TNFRSF1B: variants seen among roughly 807,000 people sequenced by gnomAD.
The protein encoded by TNFRSF1B is TNF receptor superfamily member 1B.
A neutral mutation model predicts 44.6 loss-of-function variants in TNFRSF1B; 19 were observed. That is an observed-to-expected ratio of 0.43 (90% CI 0.30 to 0.62). The LOEUF is 0.62. TNFRSF1B is among the 20% of genes least tolerant of loss of function. TNFRSF1B has a pLI of 0.16. For synonymous variants in TNFRSF1B, 252 were observed against 261.1 expected, an observed-to-expected ratio of 0.97 and a Z score of 0.34; for missense variants, 541 against 619.9, an observed-to-expected ratio of 0.87 and a Z score of 1.35.
intron 8 of TNFRSF1B, among the ~76,000 whole-genome samples, chr1:12,198,691 GTTT>G (rs60313758): frequency 1.2e-5 from 1 of 85,652 alleles, no homozygotes. Flanking sequence ...CTGGAATTCT[GTTT>G]TTTTTTTTTT....
At chr1:12,195,225 C>T (rs1178382232) in intron 8 of TNFRSF1B, among the ~76,000 whole-genome samples, 1 of 152,220 alleles carries the variant, frequency 6.6e-6, no homozygotes, top group Non-Finnish European at 1.5e-5. Flanking sequence ...TAGAGACAGA[C>T]CAACAGTGTG....
rs1639403096 is a variant in TNFRSF1B, at chr1:12,202,011, G to A, written c.945G>A (p.Glu315=). The A allele has an allele frequency of 6.2e-7, 1 of 1,613,072 alleles. No homozygotes were observed. Among genetic ancestry groups the A allele is most frequent in the East Asian group, 2.2e-5 (1 of 44,854 alleles). The change falls in exon 9 of 10, where the codon GAG becomes GAA. Residue 315 remains glutamate, a synonymous_variant. Transcript: ENST00000376259. The stretch of plus-strand genomic sequence containing the variant: ...AGGCCCGGGGTACACAGGGCCCCGA[G>A]CAGCAGCACCTGCTGATCACAGCGC... ...ADKARGTQGP[E]QQHLLITAPS...
chr1:12,184,478 C>G (rs1210862798), intron 1 of TNFRSF1B, among the ~76,000 whole-genome samples: 7 of 152,052 alleles, frequency 4.6e-5, no homozygotes, highest in African/African-American at 9.7e-5. Flanking sequence ...CTGCCGGCTA[C>G]CGGGGGGGCT....
intron 9 of TNFRSF1B, among the ~76,000 whole-genome samples, chr1:12,204,232 G>A (rs1415438810): frequency 1.3e-5 from 2 of 151,992 alleles, no homozygotes; most frequent in Non-Finnish European, 2.9e-5. Context: ...GTGGGAACCT[G>A]TAAACCCCAG....
rs776627969 is a variant in TNFRSF1B at position 12,191,713 on chromosome 1, G to T, written c.308-61G>T. ...TGTCTGAGAGTGCTGGGCTGTCTGG[G>T]AGGGCAGCGTGGGTGTGGCGGAGGC... is the stretch of plus-strand genomic sequence containing the variant. On this transcript the variant is annotated intron_variant, in intron 3 of 9. Transcript: ENST00000376259. 2.1e-5 allele frequency: 33 copies of T among 1,604,454 alleles called. No homozygotes were observed. The Admixed American group carries it at 4.4e-4, about 21-fold the overall frequency.
At chr1:12,167,526 C>G (rs753226806) in intron 1 of TNFRSF1B, 4 of 409,654 alleles carry the variant, frequency 9.8e-6, no homozygotes, top group Non-Finnish European at 4.7e-6. Context: ...CTTCCCTCAC[C>G]CCGGCGACTG....
chr1:12,184,668 GCC>G (rs1638939578), intron 1 of TNFRSF1B, among the ~76,000 whole-genome samples: 1 of 152,240 alleles, frequency 6.6e-6, no homozygotes, highest in Non-Finnish European at 1.5e-5. Flanking sequence ...GCTCTTGAGA[GCC>G]CAAACTTGGC....
At chr1:12,175,894 G>A (rs556296995) in intron 1 of TNFRSF1B, among the ~76,000 whole-genome samples, 71 of 152,268 alleles carry the variant, frequency 4.7e-4, no homozygotes, top group Admixed American at 1.4e-3. Flanking sequence ...GGAGAATGGT[G>A]TGGGGAGAGA....
At chr1:12,185,894 G>C (rs931242852) in intron 1 of TNFRSF1B, among the ~76,000 whole-genome samples, 1 of 152,200 alleles carries the variant, frequency 6.6e-6, no homozygotes, top group African/African-American at 2.4e-5. Context: ...GCCCAGGGAG[G>C]CCATGAGGAG....
chr1:12,185,559 G>A lies in TNFRSF1B; in HGVS notation c.79-3237G>A, dbSNP rs569748684. Among the ~76,000 whole-genome samples the A allele has an allele frequency of 4.6e-5, 7 of 152,166 alleles. No homozygotes were observed. The East Asian group carries it at 5.8e-4, about 13-fold the overall frequency. On this transcript the variant is annotated intron_variant, in intron 1 of 9. Transcript: ENST00000376259. ...GGGACCGAGTGTGTGTGGCAGCACC[G>A]TGTCCAGGCAAACTGAGGCTCCAGA...
At chr1:12,192,057 C>G in intron 4 of TNFRSF1B, 134 bp downstream of exon 4, 2 of 1,229,268 alleles carry the variant, frequency 1.6e-6, no homozygotes, top group South Asian at 3.0e-5. Context: ...GTGCCTGCTA[C>G]CCATCCGTCT....
In TNFRSF1B at chr1:12,186,884, C is replaced by T. The variant is rs1466818051; in HGVS notation, c.79-1912C>T. ...CCCATGTTTGCCTACATGTGAATGT[C>T]TCCATTCTGAGCTTGCTCTCAGCCT... is the stretch of plus-strand genomic sequence containing the variant. On this transcript the variant is annotated intron_variant, in intron 1 of 9. Coordinates refer to ENST00000376259, the MANE Select transcript of TNFRSF1B (RefSeq NM_001066.3). This position sits in a 1 kb window ranked among gnomAD's most constrained non-coding sequence, Gnocchi z 4.8. Among the ~76,000 whole-genome samples the T allele has an allele frequency of 1.3e-5, 2 of 152,222 alleles. No individual in the cohort carries two copies. The highest frequency in any genetic ancestry group is 3.8e-4 in the East Asian group (2 of 5,204).
At position 12,183,850 on chromosome 1, in the gene TNFRSF1B, T is replaced by TCTAC. The variant is rs1314465065; in HGVS notation, c.79-4929_79-4926dup. ...ACCTATCTATCTATCTATCTATCTA[T>TCTAC]CTACCTACCTACCTACCTACATATC... On this transcript the variant is annotated intron_variant, in intron 1 of 9. Transcript: ENST00000376259. 9.8e-4 allele frequency among the ~76,000 whole-genome samples: 135 copies of TCTAC among 137,468 alleles called. 2 individuals carry two copies. Among genetic ancestry groups the TCTAC allele is most frequent in the East Asian group, 2.3e-3 (11 of 4,686 alleles). 90.2% of individuals were successfully genotyped at this position (137,468 alleles called of 152,430 possible). A position where few individuals can be genotyped will look rare whatever the true frequency, so the allele number is the denominator to read the frequency against.
chr1:12,173,706 G>A (rs1638570541), intron 1 of TNFRSF1B, among the ~76,000 whole-genome samples: 2 of 152,204 alleles, frequency 1.3e-5, no homozygotes, highest in South Asian at 2.1e-4. Flanking sequence ...CTGGTAATGG[G>A]TGCAGGCTGC....
chr1:12,182,736 T>G (rs587406), intron 1 of TNFRSF1B, among the ~76,000 whole-genome samples: 32,705 of 152,212 alleles, frequency 0.21, 3,653 homozygotes, highest in South Asian at 0.26. Flanking sequence ...CACATAGTAG[T>G]TGCTTAGCAA....
At chr1:12,174,022 G>C (rs950046435) in intron 1 of TNFRSF1B, among the ~76,000 whole-genome samples, 1 of 152,150 alleles carries the variant, frequency 6.6e-6, no homozygotes, top group Non-Finnish European at 1.5e-5. Context: ...TGCGGGGGGA[G>C]GGCTGTTGGC....
chr1:12,176,993 C>G (rs903882568), intron 1 of TNFRSF1B, among the ~76,000 whole-genome samples: 32 of 151,216 alleles, frequency 2.1e-4, no homozygotes, highest in Non-Finnish European at 4.6e-4. Flanking sequence ...AGCCCTGAGC[C>G]CAATGGACCG....
chr1:12,198,214 C>G (rs960563325), intron 8 of TNFRSF1B, among the ~76,000 whole-genome samples: 1 of 151,744 alleles, frequency 6.6e-6, no homozygotes, highest in African/African-American at 2.4e-5. Context: ...CGTCTGATAA[C>G]AGGTGCGAAC....
At chr1:12,183,720 CCTATCTAT>C (rs376176302) in intron 1 of TNFRSF1B, among the ~76,000 whole-genome samples, 38 of 92,198 alleles carry the variant, frequency 4.1e-4, no homozygotes, top group East Asian at 2.3e-3. Flanking sequence ...ATTCTATCTA[CCTATCTAT>C]CTATCTATCT....
Sources: gnomAD v4.1 joint callset for allele counts (sites outside exome capture counted in the v4.1 genomes callset) on GRCh38, gnomAD v4.1.1 for gene constraint, Gnocchi (gnomAD v3.1) non-coding constraint, MANE v1.5 for transcripts, NCBI Gene and HGNC (gene_info 2026-07-23, HGNC 2026-07-21) for gene names.